The following LRRIQ3 variants were observed in gnomAD, a reference collection of about 807,000 sequenced individuals.
The protein encoded by LRRIQ3 is leucine-rich repeat and IQ domain-containing protein 3.
A neutral mutation model predicts 59.3 loss-of-function variants in LRRIQ3; 75 were observed. That is an observed-to-expected ratio of 1.26 (90% CI 1.05 to 1.53). The LOEUF is 1.53. Among genes scored for constraint, LRRIQ3 ranks in the 40% most tolerant of loss-of-function variants. LRRIQ3 has a pLI of 0.00. For synonymous variants in LRRIQ3, 250 were observed against 231.3 expected, an observed-to-expected ratio of 1.08 and a Z score of -0.73; for missense variants, 831 against 710.0, an observed-to-expected ratio of 1.17 and a Z score of -1.94.
At chr1:74,065,552 T>C (rs1654842784) in intron 6 of LRRIQ3, among the ~76,000 whole-genome samples, 1 of 152,162 alleles carries the variant, frequency 6.6e-6, no homozygotes, top group African/African-American at 2.4e-5. Flanking sequence ...TCCTCCATAG[T>C]TAACGTGAGG....
chr1:74,165,297 C>T (rs1040206162), intron 3 of LRRIQ3, among the ~76,000 whole-genome samples: 3 of 151,438 alleles, frequency 2.0e-5, no homozygotes, highest in Non-Finnish European at 4.4e-5. Flanking sequence ...TAGTTTTCAG[C>T]GCAGCAGTAC....
At position 74,041,534 on chromosome 1, in the gene LRRIQ3, T is replaced by G. The variant is rs755371064; in HGVS notation, c.1397A>C (p.Tyr466Ser). ...AVNEHLNQKK[Y>S]ATQKLIEENK... ...TTCTTCAATTAGTTTTTGTGTAGCA[T>G]ATTTTTTCTGATTCAAATGTTCATT... Residue 466 changes from tyrosine to serine, a missense_variant, in exon 7 of 8, where the codon TAT becomes TCT. Coordinates refer to ENST00000354431, the MANE Select transcript of LRRIQ3 (RefSeq NM_001105659.2). The G allele has an allele frequency of 4.3e-6, 7 of 1,611,332 alleles. No individual in the cohort carries two copies. In the East Asian group the frequency reaches 1.6e-4, roughly 36 times the overall value.
chr1:74,183,215 A>G (rs1423352729), intron 2 of LRRIQ3: 1 of 357,674 alleles, frequency 2.8e-6, no homozygotes, highest in Non-Finnish European at 5.0e-6. Context: ...TAGATTTAAG[A>G]AGTGAAACAT....
chr1:74,147,405 C>G (rs900304220), intron 4 of LRRIQ3, among the ~76,000 whole-genome samples: 1 of 152,068 alleles, frequency 6.6e-6, no homozygotes, highest in Non-Finnish European at 1.5e-5. Flanking sequence ...GATTCTAACT[C>G]ATGATAAATA....
intron 4 of LRRIQ3, among the ~76,000 whole-genome samples, chr1:74,136,712 G>A (rs1348817848): frequency 1.3e-5 from 2 of 151,586 alleles, no homozygotes; most frequent in African/African-American, 2.4e-5. Context: ...AGGCAAATTG[G>A]GAAGACTGTT....
intron 4 of LRRIQ3, among the ~76,000 whole-genome samples, chr1:74,139,126 G>A (rs867297176): frequency 6.7e-6 from 1 of 148,878 alleles, no homozygotes; most frequent in African/African-American, 2.5e-5. Flanking sequence ...ATGTGTGTGT[G>A]TATATATATA....
chr1:74,031,122 G>A (rs1455565610), intron 7 of LRRIQ3, among the ~76,000 whole-genome samples: 2 of 152,154 alleles, frequency 1.3e-5, no homozygotes, highest in African/African-American at 4.8e-5. Flanking sequence ...ACAGGTGCTG[G>A]AGAGGATGTG....
At chr1:74,157,544 C>T (rs1648410297) in intron 3 of LRRIQ3, among the ~76,000 whole-genome samples, 2 of 151,966 alleles carry the variant, frequency 1.3e-5, no homozygotes, top group South Asian at 4.1e-4. Flanking sequence ...GTTTCTCCCA[C>T]TTTCTTTTTT....
At chr1:74,190,349 A>G (rs1214513741) in intron 1 of LRRIQ3, among the ~76,000 whole-genome samples, 3 of 152,190 alleles carry the variant, frequency 2.0e-5, no homozygotes, top group Non-Finnish European at 4.4e-5. Flanking sequence ...GGTAGAGACC[A>G]AAAACATTAT....
chr1:74,161,244 C>A (rs1457706866), intron 3 of LRRIQ3, among the ~76,000 whole-genome samples: 1 of 151,914 alleles, frequency 6.6e-6, no homozygotes, highest in Non-Finnish European at 1.5e-5. Flanking sequence ...GACCTAATCA[C>A]CTCCAAAAGT....
chr1:74,159,501 T>A (rs1174389571), intron 3 of LRRIQ3, among the ~76,000 whole-genome samples: 1 of 152,122 alleles, frequency 6.6e-6, no homozygotes, highest in Non-Finnish European at 1.5e-5. Flanking sequence ...TTATTTTGCA[T>A]GGCTACAAAG....
intron 7 of LRRIQ3, among the ~76,000 whole-genome samples, chr1:74,039,127 A>T (rs142986962): frequency 5.3e-5 from 8 of 152,330 alleles, no homozygotes; most frequent in African/African-American, 1.9e-4. Flanking sequence ...TTTAGAGAGG[A>T]ACATAAATGC....
chr1:74,145,491 C>G (rs1647513028), intron 4 of LRRIQ3, among the ~76,000 whole-genome samples: 1 of 151,486 alleles, frequency 6.6e-6, no homozygotes, highest in Non-Finnish European at 1.5e-5. Context: ...CCGCTGTTTG[C>G]AAGTAAGAAC....
At chr1:74,097,702 A>G (rs1489613896) in intron 5 of LRRIQ3, among the ~76,000 whole-genome samples, 1 of 152,198 alleles carries the variant, frequency 6.6e-6, no homozygotes, top group African/African-American at 2.4e-5. Context: ...CAAACAGTGG[A>G]TCTCTCAGAA....
chr1:74,117,642 T>C (rs1297583528), intron 4 of LRRIQ3, among the ~76,000 whole-genome samples: 1 of 152,104 alleles, frequency 6.6e-6, no homozygotes, highest in Non-Finnish European at 1.5e-5. Flanking sequence ...GATGCACACC[T>C]GTAATCCCAG....
In LRRIQ3 at chr1:74,183,405, T is replaced by C. The variant is rs957851995; in HGVS notation, c.249+31A>G. ...TATTATAAGACTGAAATTTCGTTTA[T>C]ATGCAAATATCTGAAATGGCTATTG... On this transcript the variant is annotated intron_variant, in intron 2 of 7. Transcript: ENST00000354431. 9 of 1,506,214 alleles carry C rather than the reference T, an allele frequency of 6.0e-6. No homozygotes were observed. The African/African-American group carries it at 1.3e-4, about 21-fold the overall frequency. The allele number at this position is 1,506,214 out of a possible 1,614,324, so 93.3% of individuals were successfully genotyped here. A position where few individuals can be genotyped will look rare whatever the true frequency, so the allele number is the denominator to read the frequency against.
intron 5 of LRRIQ3, among the ~76,000 whole-genome samples, chr1:74,100,961 A>C (rs1646522100): frequency 6.6e-6 from 1 of 152,198 alleles, no homozygotes; most frequent in Non-Finnish European, 1.5e-5. Flanking sequence ...AAACCCTAGA[A>C]GAAAACCTAG....
At chr1:74,162,804 A>G (rs938593400) in intron 3 of LRRIQ3, among the ~76,000 whole-genome samples, 1 of 151,654 alleles carries the variant, frequency 6.6e-6, no homozygotes, top group African/African-American at 2.4e-5. Flanking sequence ...GATCTCATAG[A>G]AGTAAAATGT....
chr1:74,177,798 G>A (rs973738329), intron 3 of LRRIQ3, among the ~76,000 whole-genome samples: 1 of 151,834 alleles, frequency 6.6e-6, no homozygotes, highest in Admixed American at 6.6e-5. Flanking sequence ...ATATTTAATT[G>A]TACTTAGCTA....
Sources: gnomAD v4.1 joint callset for allele counts (sites outside exome capture counted in the v4.1 genomes callset) on GRCh38, gnomAD v4.1.1 for gene constraint, MANE v1.5 for transcripts, NCBI Gene and HGNC (gene_info 2026-07-23, HGNC 2026-07-21) for gene names.